Variants in CSF1 observed in about 807,000 individuals in gnomAD.
CSF1 encodes macrophage colony-stimulating factor 1.
In CSF1, 9 loss-of-function variants were observed where a neutral mutation model predicts 48.9. The ratio of observed to expected loss-of-function variants is 0.18; its 90% CI spans 0.11 to 0.32. The LOEUF (loss-of-function observed/expected upper bound fraction) is 0.32. Among genes scored for constraint, CSF1 ranks in the 10% least tolerant of loss-of-function variants. The pLI is 1.00. For synonymous variants in CSF1, 305 were observed against 284.1 expected, an observed-to-expected ratio of 1.07 and a Z score of -0.74; for missense variants, 672 against 697.9, an observed-to-expected ratio of 0.96 and a Z score of 0.42.
At chr1:109,912,282 G>T (rs1654722829) in intron 1 of CSF1, among the ~76,000 whole-genome samples, 1 of 152,134 alleles carries the variant, frequency 6.6e-6, no homozygotes, top group Non-Finnish European at 1.5e-5. Flanking sequence ...GCCTTGTTGA[G>T]GGGGAAGATG....
Position 109,923,573 on chromosome 1 carries a change from C to T in CSF1, c.952C>T (p.Pro318Ser), listed in dbSNP as rs757524799. Residue 318 changes from proline to serine, a missense_variant, in exon 6 of 9, where the codon CCC (proline) becomes TCC (serine). Pro to Ser is a moderately conservative substitution (Grantham distance 74). This residue lies in a region of CSF1 where 591 missense variants were observed against 593.6 expected (regional missense o/e 1.00). Coordinates refer to ENST00000329608, the MANE Select transcript of CSF1 (RefSeq NM_000757.6). Reference sequence around the variant, plus strand: ...TGGAGAGGCCAGTGAGATTCCCGTACCCCAAGGGACAGAGCTTTCCCCCTC... The same window carrying T: ...TGGAGAGGCCAGTGAGATTCCCGTATCCCAAGGGACAGAGCTTTCCCCCTC... ...ASGEASEIPV[P>S]QGTELSPSRP... 10 of 1,614,196 alleles carry T rather than the reference C, an allele frequency of 6.2e-6. No individual in the cohort carries two copies. In the Admixed American group the frequency reaches 1.5e-4, roughly 24 times the overall value.
chr1:109,921,075 G>T lies in CSF1; in HGVS notation c.397-772G>T, dbSNP rs897850409. Among the ~76,000 whole-genome samples, 6 of 152,038 alleles carry T rather than the reference G, an allele frequency of 3.9e-5. No individual in the cohort carries two copies. The East Asian group carries it at 9.7e-4, about 25-fold the overall frequency. ...GACCCATATGCCTGGCGGCTGCCCCGTTCCCTTCTCCACACCACAGCTCAA... is the reference window on the plus strand; with the variant it reads ...GACCCATATGCCTGGCGGCTGCCCCTTTCCCTTCTCCACACCACAGCTCAA... On this transcript the variant is annotated intron_variant, in intron 4 of 8. Transcript: ENST00000329608.
At position 109,923,245 on chromosome 1, in the gene CSF1, T is replaced by C; in HGVS notation, c.624T>C (p.His208=). The part of the protein sequence containing the change: ...PSSDPASVSP[H]QPLAPSMAPV... Reference sequence around the variant, plus strand: ...GTGACCCGGCCTCTGTCTCCCCTCATCAGCCCCTCGCCCCCTCCATGGCCC... The same window carrying C: ...GTGACCCGGCCTCTGTCTCCCCTCACCAGCCCCTCGCCCCCTCCATGGCCC... Residue 208 remains histidine, a synonymous_variant, in exon 6 of 9, where the codon CAT becomes CAC. Transcript: ENST00000329608. 3 of 1,592,160 alleles carry C rather than the reference T, an allele frequency of 1.9e-6. No homozygotes were observed. Among genetic ancestry groups the C allele is most frequent in the Non-Finnish European group, 2.6e-6 (3 of 1,169,246 alleles).
At chr1:109,912,122 G>C (rs1040066184) in intron 1 of CSF1, among the ~76,000 whole-genome samples, 1 of 151,938 alleles carries the variant, frequency 6.6e-6, no homozygotes, top group Non-Finnish European at 1.5e-5. Context: ...AGGAGATAGA[G>C]TTGAGAGGGG....
At chr1:109,913,998 T>C (rs558932994) in intron 1 of CSF1, among the ~76,000 whole-genome samples, 1 of 152,296 alleles carries the variant, frequency 6.6e-6, no homozygotes. Context: ...TAGTTCAATG[T>C]ATAGTTAGGT....
chr1:109,925,217 T>C lies in CSF1; in HGVS notation c.*13+15T>C, dbSNP rs999522909. On this transcript the variant is annotated intron_variant, in intron 8 of 8. Transcript: ENST00000329608. ...GGAATTCTAAGGTAAGATTCTGACT[T>C]TGATCTCCACTCCTAAAACTTACCT... 4 of 1,611,206 alleles carry C rather than the reference T, an allele frequency of 2.5e-6. No homozygotes were observed. Among genetic ancestry groups the C allele is most frequent in the Non-Finnish European group, 3.4e-6 (4 of 1,177,544 alleles).
At chr1:109,928,521 T>G (rs1647935477) in intron 8 of CSF1, among the ~76,000 whole-genome samples, 1 of 152,220 alleles carries the variant, frequency 6.6e-6, no homozygotes, top group South Asian at 2.1e-4. Flanking sequence ...AAGTGCCCGC[T>G]TCGCTCCTTG....
chr1:109,914,786 T>C (rs1654827752), intron 2 of CSF1, among the ~76,000 whole-genome samples: 1 of 152,246 alleles, frequency 6.6e-6, no homozygotes, highest in African/African-American at 2.4e-5. Context: ...CTCTCATATG[T>C]GGCGCCAGTC....
chr1:109,912,971 G>A (rs1029583428), intron 1 of CSF1, among the ~76,000 whole-genome samples: 4 of 152,024 alleles, frequency 2.6e-5, no homozygotes, highest in African/African-American at 9.7e-5. Flanking sequence ...TCCTTCCATG[G>A]CTCCCACCCC....
Position 109,923,975 on chromosome 1 carries a change from C to A in CSF1, c.1354C>A (p.Pro452Thr), listed in dbSNP as rs1647711803. 2 of 1,614,046 alleles carry A rather than the reference C, an allele frequency of 1.2e-6. No individual in the cohort carries two copies. Among genetic ancestry groups the A allele is most frequent in the Non-Finnish European group, 8.5e-7 (1 of 1,180,012 alleles). Residue 452 changes from proline (P) to threonine (T), a missense_variant, in exon 6 of 9, where the codon CCC (proline) becomes ACC (threonine). Coordinates refer to ENST00000329608, the MANE Select transcript of CSF1 (RefSeq NM_000757.6). Reference sequence around the variant, plus strand: ...GAGGAGCACCAGGGATCGGAGGAGCCCCGCAGAGCCAGAAGGAGGACCAGC... The same window carrying A: ...GAGGAGCACCAGGGATCGGAGGAGCACCGCAGAGCCAGAAGGAGGACCAGC... ...GRRSTRDRRSPAEPEGGPASE... is the reference protein window; with the variant it reads ...GRRSTRDRRSTAEPEGGPASE...
At chr1:109,927,121 A>T (rs1647876258) in intron 8 of CSF1, among the ~76,000 whole-genome samples, 1 of 152,010 alleles carries the variant, frequency 6.6e-6, no homozygotes, top group African/African-American at 2.4e-5. Context: ...TGGGGAGCCC[A>T]TTGAGCAACT....
At chr1:109,917,669 C>G (rs190506839) in intron 4 of CSF1, among the ~76,000 whole-genome samples, 4 of 152,212 alleles carry the variant, frequency 2.6e-5, no homozygotes, top group African/African-American at 9.7e-5. Flanking sequence ...TCATGAGCAA[C>G]AAATACATGG....
chr1:109,920,984 G>A (rs575934196), intron 4 of CSF1, among the ~76,000 whole-genome samples: 1 of 152,244 alleles, frequency 6.6e-6, no homozygotes, highest in African/African-American at 2.4e-5. Context: ...GGCCCCTTGA[G>A]CAGCACAGAA....
chr1:109,911,159 C>A, intron 1 of CSF1, 97 bp downstream of exon 1: 3 of 786,044 alleles, frequency 3.8e-6, no homozygotes, highest in Non-Finnish European at 4.6e-6. Context: ...ACAGCCTGGG[C>A]GCGCCGGCTG....
In CSF1 at chr1:109,925,271, T is replaced by G; in HGVS notation, c.*13+69T>G. The G allele has an allele frequency of 3.0e-6, 4 of 1,329,448 alleles. No individual in the cohort carries two copies. In the East Asian group the frequency reaches 6.9e-5, roughly 23 times the overall value. The allele number at this position is 1,329,448 out of a possible 1,614,324, so 82.4% of individuals were successfully genotyped here. On this transcript the variant is annotated intron_variant, in intron 8 of 8. Coordinates refer to ENST00000329608, the MANE Select transcript of CSF1 (RefSeq NM_000757.6). ...CCCTTTTCCAGTCACGTTCACCTGT[T>G]GGTGACACCAATTCCCCTGAGGCCC... is the stretch of plus-strand genomic sequence containing the variant.
intron 4 of CSF1, 112 bp from the exon 5 acceptor site, chr1:109,921,735 C>G (rs1647552412): frequency 7.4e-7 from 1 of 1,351,910 alleles, no homozygotes; most frequent in Non-Finnish European, 9.9e-7. Context: ...AGCAAGGAAA[C>G]AAAAGGGAAA....
intron 8 of CSF1, among the ~76,000 whole-genome samples, chr1:109,925,697 T>C (rs1647816938): frequency 6.6e-6 from 1 of 152,150 alleles, no homozygotes; most frequent in African/African-American, 2.4e-5. Flanking sequence ...TTTAGGATCA[T>C]GTTGACATAG....
rs370129736 is a variant in CSF1 at position 109,924,761 on chromosome 1, C to T, written c.1570-15C>T. 1.3e-6 allele frequency: 2 copies of T among 1,577,598 alleles called. No homozygotes were observed. Among genetic ancestry groups the T allele is most frequent in the Non-Finnish European group, 8.6e-7 (1 of 1,161,474 alleles). On this transcript the variant is annotated splice_polypyrimidine_tract_variant and intron_variant, in intron 6 of 8. Coordinates refer to ENST00000329608, the MANE Select transcript of CSF1 (RefSeq NM_000757.6). ...TCCCCCAGCTCCTCAGTGAGATGCT[C>T]TTTCCTGTCCTCAGAGCCATCAAGA...
Position 109,928,644 on chromosome 1 carries a change from G to A in CSF1, c.*14-208G>A, listed in dbSNP as rs74787817. ...TTCCCCAGGAGGAGGTAGGAGGTGA[G>A]GCCAGTTGGGCCAGAGGCCTGGGCT... On this transcript the variant is annotated intron_variant, in intron 8 of 8. Coordinates refer to ENST00000329608, the MANE Select transcript of CSF1 (RefSeq NM_000757.6). Among the ~76,000 whole-genome samples, 518 of 152,146 alleles carry A rather than the reference G, an allele frequency of 3.4e-3. 5 individuals carry two copies. Among genetic ancestry groups the A allele is most frequent in the African/African-American group, 0.012 (491 of 41,500 alleles).
Sources: gnomAD v4.1 joint callset for allele counts (sites outside exome capture counted in the v4.1 genomes callset) on GRCh38, gnomAD v4.1.1 for gene constraint, gnomAD v4.1.1 regional missense constraint, MANE v1.5 for transcripts, NCBI Gene and HGNC (gene_info 2026-07-23, HGNC 2026-07-21) for gene names.